UNC13B: variants seen among roughly 807,000 people sequenced by gnomAD.
UNC13B encodes the protein unc-13 homolog B, also known as protein unc-13 homolog B.
In UNC13B, 144 loss-of-function variants were observed where a neutral mutation model predicts 211.0. The ratio of observed to expected loss-of-function variants is 0.68; its 90% CI spans 0.60 to 0.78. UNC13B has a LOEUF of 0.78. Among genes scored for constraint, UNC13B ranks in the 30% least tolerant of loss-of-function variants. The pLI, the probability that UNC13B is intolerant of heterozygous loss-of-function variation, is 0.00. For synonymous variants in UNC13B, 709 were observed against 725.8 expected (o/e 0.98, Z 0.37); for missense variants, 1,777 against 2,002.0 (o/e 0.89, Z 2.14).
intron 12 of UNC13B, 93 bp from the exon 13 acceptor site, chr9:35,370,224 TG>T: frequency 9.6e-7 from 1 of 1,041,798 alleles, no homozygotes; most frequent in Non-Finnish European, 1.5e-6. Flanking sequence ...CATCTTCCTC[TG>T]GGGAGAGGGA....
intron 1 of UNC13B, among the ~76,000 whole-genome samples, chr9:35,220,218 A>G (rs774503980): frequency 2.6e-5 from 4 of 152,020 alleles, no homozygotes; most frequent in Non-Finnish European, 5.9e-5. Context: ...TGTTAAAGGC[A>G]TACAGTGCTT....
intron 1 of UNC13B, among the ~76,000 whole-genome samples, chr9:35,183,955 C>G (rs1006780974): frequency 1.3e-4 from 19 of 144,428 alleles, no homozygotes; most frequent in Admixed American, 5.6e-4. Context: ...TCCTCACCAC[C>G]CAGACGGGGC....
chr9:35,280,718 A>C (rs1472789893), intron 7 of UNC13B, among the ~76,000 whole-genome samples: 1 of 152,190 alleles, frequency 6.6e-6, no homozygotes, highest in Non-Finnish European at 1.5e-5. Flanking sequence ...TGATAAAAAT[A>C]ATGTTAATTG....
At chr9:35,351,823 G>A (rs1156591448) in intron 11 of UNC13B, 3 of 1,232,128 alleles carry the variant, frequency 2.4e-6, no homozygotes, top group Non-Finnish European at 3.0e-6. Flanking sequence ...CTGGTTCTCA[G>A]GATCCCTCAT....
Position 35,398,206 on chromosome 9 carries a change from C to CA in UNC13B, c.11755-2dup. The CA allele has an allele frequency of 1.2e-6, 2 of 1,612,942 alleles. No individual in the cohort carries two copies. The highest frequency in any genetic ancestry group is 1.7e-6 in the Non-Finnish European group (2 of 1,179,416). ...AAGACTCAACAGCTACATCTGTCCC[C>CA]AAAGCCCTGCATCCTGATGAACAAC... On this transcript the variant is annotated splice_region_variant and splice_polypyrimidine_tract_variant and intron_variant, in intron 30 of 39. Coordinates refer to ENST00000635942, the MANE Select transcript of UNC13B (RefSeq NM_001371189.2).
chr9:35,183,863 G>A (rs528940790), intron 1 of UNC13B, among the ~76,000 whole-genome samples: 47 of 145,084 alleles, frequency 3.2e-4, no homozygotes, highest in Non-Finnish European at 5.9e-4. Context: ...GGGCAGAGGC[G>A]CTCCTTGCCT....
chr9:35,294,151 T>C (rs537768583), intron 7 of UNC13B, among the ~76,000 whole-genome samples: 3 of 152,282 alleles, frequency 2.0e-5, no homozygotes, highest in South Asian at 2.1e-4. Context: ...TATGGCCCCA[T>C]GTTTTACAAT....
rs1409974363 is a variant in UNC13B at position 35,272,211 on chromosome 9, T to TG, written c.526+13162dup. ...AAACCACAAGGAAATATAATTTTTT[T>TG]GTTTTTTTTTTTGGTTGTTTCATTT... On this transcript the variant is annotated intron_variant, in intron 7 of 39. Transcript: ENST00000635942. Among the ~76,000 whole-genome samples, 7 of 93,702 alleles carry TG rather than the reference T, an allele frequency of 7.5e-5. No homozygotes were observed. The South Asian group carries it at 1.4e-3, about 19-fold the overall frequency. The allele number at this position is 93,702 out of a possible 152,430, so 61.5% of individuals were successfully genotyped here. A position where few individuals can be genotyped will look rare whatever the true frequency, so the allele number is the denominator to read the frequency against.
intron 1 of UNC13B, among the ~76,000 whole-genome samples, chr9:35,221,897 A>T (rs1262292065): frequency 6.6e-6 from 1 of 152,238 alleles, no homozygotes; most frequent in Non-Finnish European, 1.5e-5. Flanking sequence ...TTTCAGTACC[A>T]TTGTTAAAAA....
At chr9:35,220,658 C>T (rs1288526827) in intron 1 of UNC13B, among the ~76,000 whole-genome samples, 1 of 152,132 alleles carries the variant, frequency 6.6e-6, no homozygotes, top group Non-Finnish European at 1.5e-5. Flanking sequence ...GTATATGTAG[C>T]ACATTTTTGT....
intron 1 of UNC13B, among the ~76,000 whole-genome samples, chr9:35,178,225 A>G (rs1821743027): frequency 6.6e-6 from 1 of 152,192 alleles, no homozygotes; most frequent in Non-Finnish European, 1.5e-5. Context: ...GAAAAATACT[A>G]TTGCTGGGCA....
intron 5 of UNC13B, among the ~76,000 whole-genome samples, chr9:35,241,592 C>T (rs1339819919): frequency 1.4e-5 from 2 of 141,082 alleles, no homozygotes; most frequent in African/African-American, 5.2e-5. Flanking sequence ...CACACACACA[C>T]ACACCACCAT....
intron 3 of UNC13B, among the ~76,000 whole-genome samples, chr9:35,231,718 G>C (rs963403644): frequency 6.6e-6 from 1 of 152,062 alleles, no homozygotes; most frequent in Non-Finnish European, 1.5e-5. Context: ...GGAGTAAAAT[G>C]TCCTATATTC....
intron 7 of UNC13B, among the ~76,000 whole-genome samples, chr9:35,286,543 G>A (rs1465398640): frequency 6.6e-6 from 1 of 151,920 alleles, no homozygotes; most frequent in Admixed American, 6.6e-5. Flanking sequence ...GAAAGGGAGA[G>A]GAACTGGAGA....
chr9:35,342,597 C>T (rs1832073273), intron 11 of UNC13B, among the ~76,000 whole-genome samples: 1 of 152,164 alleles, frequency 6.6e-6, no homozygotes, highest in African/African-American at 2.4e-5. Flanking sequence ...ATATAGATAA[C>T]CCAGCCACCC....
intron 17 of UNC13B, among the ~76,000 whole-genome samples, chr9:35,379,712 C>T (rs1443951810): frequency 6.6e-6 from 1 of 152,182 alleles, no homozygotes; most frequent in Non-Finnish European, 1.5e-5. Flanking sequence ...TCCCTGGCTT[C>T]AAGAAGCTCC....
chr9:35,358,145 A>T (rs146024116), intron 11 of UNC13B, among the ~76,000 whole-genome samples: 1 of 152,342 alleles, frequency 6.6e-6, no homozygotes, highest in Non-Finnish European at 1.5e-5. Flanking sequence ...TTCACTCTGG[A>T]ATTTTTAAGG....
chr9:35,174,368 C>T (rs780115422), intron 1 of UNC13B, among the ~76,000 whole-genome samples: 5 of 151,692 alleles, frequency 3.3e-5, no homozygotes, highest in Non-Finnish European at 5.9e-5. Flanking sequence ...CTCTGTCCTC[C>T]AGGCTGTAGT....
In UNC13B at chr9:35,396,592, G is replaced by C; in HGVS notation, c.11425G>C (p.Glu3809Gln). The change falls in exon 27 of 40, where the codon GAG (glutamate) becomes CAG (glutamine). Residue 3809 changes from glutamate to glutamine, a missense_variant. Glu to Gln is a conservative substitution (Grantham distance 29). Coordinates refer to ENST00000635942, the MANE Select transcript of UNC13B (RefSeq NM_001371189.2). ...GCCTGTCCTCCAGGGGCAGGTGCCT[G>C]AGTACCCAGCGTGAGTCATCATGTG... ...DLPVLQGQVP[E>Q]YPAWFEQFVL... 6.2e-7 allele frequency: 1 copy of C among 1,614,006 alleles called. No homozygotes were observed. Among genetic ancestry groups the C allele is most frequent in the Non-Finnish European group, 8.5e-7 (1 of 1,180,032 alleles).
Sources: gnomAD v4.1 joint callset for allele counts (sites outside exome capture counted in the v4.1 genomes callset) on GRCh38, gnomAD v4.1.1 for gene constraint, MANE v1.5 for transcripts, NCBI Gene and HGNC (gene_info 2026-07-23, HGNC 2026-07-21) for gene names.